ANKRD33B: variants seen among roughly 807,000 people sequenced by gnomAD.
ANKRD33B encodes ankyrin repeat domain-containing protein 33B.
A neutral mutation model predicts 21.5 loss-of-function variants in ANKRD33B; 6 were observed. That is an observed-to-expected ratio of 0.28 (90% CI 0.15 to 0.55). The LOEUF (loss-of-function observed/expected upper bound fraction) is 0.55. ANKRD33B is among the 20% of genes least tolerant of loss of function. ANKRD33B has a pLI of 0.94. For missense variants in ANKRD33B, 698 were observed against 747.2 expected (o/e 0.93, Z 0.77); for synonymous variants, 347 against 342.4 (o/e 1.01, Z -0.15).
chr5:10,564,347 A>G lies in ANKRD33B; in HGVS notation c.-121A>G. 2 of 680,464 alleles carry G rather than the reference A, an allele frequency of 2.9e-6. No individual in the cohort carries two copies. Among genetic ancestry groups the G allele is most frequent in the Non-Finnish European group, 3.7e-6 (2 of 547,900 alleles). 42.2% of individuals were successfully genotyped at this position (680,464 alleles called of 1,614,324 possible). A position where few individuals can be genotyped will look rare whatever the true frequency, so the allele number is the denominator to read the frequency against. ...CTGGTGCCGGTTTCCGCCGAGCTGG[A>G]GCGCGCGGGCCACGGCTTCTCTGGG... On this transcript the variant is annotated 5_prime_UTR_variant, in exon 1 of 4. Transcript: ENST00000296657.
intron 1 of ANKRD33B, among the ~76,000 whole-genome samples, chr5:10,616,957 G>A (rs1368834072): frequency 6.6e-6 from 1 of 152,200 alleles, no homozygotes; most frequent in Admixed American, 6.5e-5. Context: ...GGATCAGGGC[G>A]CTAGCATGGT....
chr5:10,620,083 T>C (rs1560976521), intron 2 of ANKRD33B, among the ~76,000 whole-genome samples: 1 of 151,840 alleles, frequency 6.6e-6, no homozygotes, highest in African/African-American at 2.4e-5. Flanking sequence ...CCATTAAGGG[T>C]CTAAGCCCAA....
chr5:10,629,826 GTGTT>G (rs1331869152), intron 2 of ANKRD33B, among the ~76,000 whole-genome samples: 2 of 152,182 alleles, frequency 1.3e-5, no homozygotes, highest in African/African-American at 2.4e-5. Flanking sequence ...TGGAAAGAGC[GTGTT>G]TCAGAAAGGA....
At chr5:10,623,312 C>T (rs1023736138) in intron 2 of ANKRD33B, among the ~76,000 whole-genome samples, 5 of 152,230 alleles carry the variant, frequency 3.3e-5, no homozygotes, top group African/African-American at 4.8e-5. Context: ...ACCCCATCCT[C>T]CTCATCAACA....
intron 1 of ANKRD33B, among the ~76,000 whole-genome samples, chr5:10,612,102 A>G (rs1168806051): frequency 6.6e-6 from 1 of 152,230 alleles, no homozygotes; most frequent in Non-Finnish European, 1.5e-5. Flanking sequence ...GAAGCAATCA[A>G]CTGGTGTTGA....
chr5:10,604,699 A>C (rs150543050), intron 1 of ANKRD33B, among the ~76,000 whole-genome samples: 1 of 152,182 alleles, frequency 6.6e-6, no homozygotes, highest in East Asian at 1.9e-4. Context: ...TTATTTAATT[A>C]TATATTGTCT....
chr5:10,612,921 C>T (rs1324956489), intron 1 of ANKRD33B, among the ~76,000 whole-genome samples: 2 of 152,218 alleles, frequency 1.3e-5, no homozygotes, highest in Admixed American at 6.5e-5. Flanking sequence ...GCCACATAGA[C>T]ATCTCCCCCG....
At position 10,654,680 on chromosome 5, in the gene ANKRD33B, A is replaced by T. The variant is rs1224866754; in HGVS notation, c.*4567A>T. ...TTCTGGATGGAACGTGTGTATCAACAACAATGAAATGCACCTCCGTGTGCA... is the reference window on the plus strand; with the variant it reads ...TTCTGGATGGAACGTGTGTATCAACTACAATGAAATGCACCTCCGTGTGCA... On this transcript the variant is annotated 3_prime_UTR_variant, in exon 4 of 4. Coordinates refer to ENST00000296657, the MANE Select transcript of ANKRD33B (RefSeq NM_001164440.2). 1 of 152,308 alleles carries T rather than the reference A, an allele frequency of 6.6e-6. No individual in the cohort carries two copies. The highest frequency in any genetic ancestry group is 2.4e-5 in the African/African-American group (1 of 41,410). The allele number at this position is 152,308 out of a possible 1,614,324, so 9.4% of individuals were successfully genotyped here. A position where few individuals can be genotyped will look rare whatever the true frequency, so the allele number is the denominator to read the frequency against.
chr5:10,569,847 A>G (rs553298644), intron 1 of ANKRD33B, among the ~76,000 whole-genome samples: 2 of 152,182 alleles, frequency 1.3e-5, no homozygotes, highest in Admixed American at 1.3e-4. Flanking sequence ...TAGCAGCAGT[A>G]GAGAGGCCCA....
intron 1 of ANKRD33B, among the ~76,000 whole-genome samples, chr5:10,608,356 T>TA (rs1218246439): frequency 0.03 from 3,212 of 108,398 alleles, 80 homozygotes; most frequent in African/African-American, 0.064. Flanking sequence ...AGACTCCATC[T>TA]AAAAAAAAAA....
intron 1 of ANKRD33B, among the ~76,000 whole-genome samples, chr5:10,593,664 C>A (rs1344531243): frequency 6.7e-6 from 1 of 150,228 alleles, no homozygotes; most frequent in African/African-American, 2.5e-5. Context: ...CTCTCTCCAA[C>A]CTCTTCTCCT....
At chr5:10,645,306 A>C (rs953349533) in intron 3 of ANKRD33B, among the ~76,000 whole-genome samples, 1 of 152,088 alleles carries the variant, frequency 6.6e-6, no homozygotes, top group Admixed American at 6.6e-5. Context: ...AGAGTGGATA[A>C]CATGGGGGTG....
chr5:10,591,832 A>G (rs752776738), intron 1 of ANKRD33B, among the ~76,000 whole-genome samples: 1 of 151,646 alleles, frequency 6.6e-6, no homozygotes, highest in Non-Finnish European at 1.5e-5. Context: ...CATTCTGTGA[A>G]TGTCACTAAT....
intron 1 of ANKRD33B, among the ~76,000 whole-genome samples, chr5:10,580,567 T>C (rs2126552128): frequency 6.6e-6 from 1 of 152,308 alleles, no homozygotes. Context: ...AAGAGAAGGT[T>C]GCAGTTGGTT....
chr5:10,564,714 G>T lies in ANKRD33B; in HGVS notation c.247G>T (p.Val83Phe). 1 of 1,533,560 alleles carries T rather than the reference G, an allele frequency of 6.5e-7. No individual in the cohort carries two copies. Among genetic ancestry groups the T allele is most frequent in the East Asian group, 2.4e-5 (1 of 40,860 alleles). 95.0% of individuals were successfully genotyped at this position (1,533,560 alleles called of 1,614,324 possible). ...CGTCCCGGAGGGCGTCCCGGAAAGC[G>T]TCCCGGAGACGGCGACCCTCCTGCG... is the stretch of plus-strand genomic sequence containing the variant. ...ESVPEGVPESVPETATLLRAA... is the reference protein window; with the variant it reads ...ESVPEGVPESFPETATLLRAA... The change falls in exon 1 of 4, where the codon GTC becomes TTC. Residue 83 changes from valine to phenylalanine, a missense_variant. By Grantham distance (50) the Val-to-Phe change is conservative. This residue lies in a region of ANKRD33B where 148 missense variants were observed against 154.9 expected (regional missense o/e 0.96). Coordinates refer to ENST00000296657, the MANE Select transcript of ANKRD33B (RefSeq NM_001164440.2).
In ANKRD33B at chr5:10,654,876, G is replaced by C. The variant is rs976141563; in HGVS notation, c.*4763G>C. The C allele has an allele frequency of 6.6e-5, 10 of 152,518 alleles. No individual in the cohort carries two copies. The highest frequency in any genetic ancestry group is 1.5e-4 in the Non-Finnish European group (10 of 68,076). 9.4% of individuals were successfully genotyped at this position (152,518 alleles called of 1,614,324 possible). On this transcript the variant is annotated 3_prime_UTR_variant, in exon 4 of 4. Coordinates refer to ENST00000296657, the MANE Select transcript of ANKRD33B (RefSeq NM_001164440.2). ...CCAGCACTAAACTCACCAGAAAAGA[G>C]GAGGGAACAGCACGGAGCCATTCAT... is the stretch of plus-strand genomic sequence containing the variant.
rs1736635535 is a variant in ANKRD33B at position 10,628,638 on chromosome 5, A to T, written c.497-9390A>T. On this transcript the variant is annotated intron_variant, in intron 2 of 3. Coordinates refer to ENST00000296657, the MANE Select transcript of ANKRD33B (RefSeq NM_001164440.2). Reference sequence around the variant, plus strand: ...ATTACAGGCACGAGCCACCTTGCCCACCCTGATACTTTCAATAAATAAACT... The same window carrying T: ...ATTACAGGCACGAGCCACCTTGCCCTCCCTGATACTTTCAATAAATAAACT... Among the ~76,000 whole-genome samples the T allele has an allele frequency of 1.3e-5, 2 of 152,144 alleles. 1 individual carries two copies. The highest frequency in any genetic ancestry group is 4.1e-4 in the South Asian group (2 of 4,838).
intron 1 of ANKRD33B, among the ~76,000 whole-genome samples, chr5:10,582,944 C>T (rs1176643471): frequency 1.3e-5 from 2 of 150,842 alleles, no homozygotes; most frequent in East Asian, 1.9e-4. Context: ...CTGCCCTGTG[C>T]AGTCCGGCAG....
chr5:10,650,327 C>CCTAGCAAGCCT lies in ANKRD33B; in HGVS notation c.*214_*215insCTAGCAAGCCT. On this transcript the variant is annotated 3_prime_UTR_variant, in exon 4 of 4. Transcript: ENST00000296657. ...GCTTGTCGCCAGCCCTCCTAGCAAT[C>CCTAGCAAGCCT]AGTACACCTAGCGGGCACGTTGCCT... The CCTAGCAAGCCT allele has an allele frequency of 2.3e-6, 1 of 426,638 alleles. No individual in the cohort carries two copies. The highest frequency in any genetic ancestry group is 3.9e-6 in the Non-Finnish European group (1 of 254,756). 26.4% of individuals were successfully genotyped at this position (426,638 alleles called of 1,614,324 possible). A position where few individuals can be genotyped will look rare whatever the true frequency, so the allele number is the denominator to read the frequency against.
Sources: gnomAD v4.1 joint callset for allele counts (sites outside exome capture counted in the v4.1 genomes callset) on GRCh38, gnomAD v4.1.1 for gene constraint, gnomAD v4.1.1 regional missense constraint, MANE v1.5 for transcripts, NCBI Gene and HGNC (gene_info 2026-07-23, HGNC 2026-07-21) for gene names.